KAT6A: variants seen among roughly 807,000 people sequenced by gnomAD.
KAT6A encodes histone acetyltransferase KAT6A.
A neutral mutation model predicts 198.4 loss-of-function variants in KAT6A; 9 were observed. The ratio of observed to expected loss-of-function variants is 0.05; its 90% CI spans 0.03 to 0.08. The LOEUF (loss-of-function observed/expected upper bound fraction) is 0.08, where lower values mean the gene tolerates loss of function less well. Among genes scored for constraint, KAT6A ranks in the 10% least tolerant of loss-of-function variants. The probability of loss-of-function intolerance (pLI) is 1.00; values close to 1 mark genes in which losing one functional copy is unlikely to be tolerated. For synonymous variants in KAT6A, 890 were observed against 883.0 expected, an observed-to-expected ratio of 1.01 and a Z score of -0.14; for missense variants, 2,077 against 2,509.9, an observed-to-expected ratio of 0.83 and a Z score of 3.69.
At chr8:41,970,236 A>C (rs1286657497) in intron 8 of KAT6A, among the ~76,000 whole-genome samples, 1 of 152,224 alleles carries the variant, frequency 6.6e-6, no homozygotes, top group East Asian at 1.9e-4. Flanking sequence ...CCATCATCAG[A>C]ATTTCAGTGC....
chr8:41,949,356 T>G lies in KAT6A; in HGVS notation c.1606A>C (p.Lys536Gln). The G allele has an allele frequency of 6.5e-7, 1 of 1,528,860 alleles. No individual in the cohort carries two copies. The highest frequency in any genetic ancestry group is 8.7e-7 in the Non-Finnish European group (1 of 1,143,452). 94.7% of individuals were successfully genotyped at this position (1,528,860 alleles called of 1,614,324 possible). ...AGACAAAATTCACAAAGATACAATT[T>G]GGGCAGCCTGTAAACGATAATTAAA... is the stretch of plus-strand genomic sequence containing the variant. The part of the protein sequence containing the change: ...PYPQEYSRLP[K>Q]LYLCEFCLKY... The change falls in exon 10 of 17, where the codon AAA (lysine) becomes CAA (glutamine). Residue 536 changes from lysine to glutamine, a missense_variant. This residue lies in a region of KAT6A where 46 missense variants were observed against 88.2 expected (regional missense o/e 0.52). Transcript: ENST00000265713.
intron 2 of KAT6A, among the ~76,000 whole-genome samples, chr8:42,000,057 A>T (rs1251766296): frequency 6.6e-6 from 1 of 152,240 alleles, no homozygotes. Flanking sequence ...ACTTCCTGAA[A>T]TAGGCAAGTT....
intron 8 of KAT6A, chr8:41,958,016 G>C (rs1823011584): frequency 6.6e-6 from 1 of 152,202 alleles, no homozygotes; most frequent in Admixed American, 6.5e-5. Context: ...TTCCCCAAGG[G>C]GGTGCAATGT....
rs183279725 is a variant in KAT6A, at chr8:42,014,102, T to C, written c.601-26539A>G. ...GTTTGAAATATTATTTTAATATTTTTCAACCATTTAGAATTGTTAAAAAAA... is the reference window on the plus strand; with the variant it reads ...GTTTGAAATATTATTTTAATATTTTCCAACCATTTAGAATTGTTAAAAAAA... On this transcript the variant is annotated intron_variant, in intron 2 of 16. Transcript: ENST00000265713. Among the ~76,000 whole-genome samples the C allele has an allele frequency of 1.0e-3, 152 of 152,272 alleles. 1 individual carries two copies. The highest frequency in any genetic ancestry group is 9.3e-3 in the Admixed American group (142 of 15,294).
chr8:41,983,654 G>A (rs1035811975), intron 3 of KAT6A, among the ~76,000 whole-genome samples: 1 of 152,116 alleles, frequency 6.6e-6, no homozygotes, highest in Non-Finnish European at 1.5e-5. Context: ...CCTGAAAGTG[G>A]GATTGGTGAG....
intron 2 of KAT6A, among the ~76,000 whole-genome samples, chr8:41,996,734 G>A (rs1825229550): frequency 6.6e-6 from 1 of 152,186 alleles, no homozygotes. Flanking sequence ...ACAGAGAGAT[G>A]AGGCCCCTTG....
intron 16 of KAT6A, among the ~76,000 whole-genome samples, 153 bp from the exon 17 acceptor site, chr8:41,935,020 AG>A (rs1409571708): frequency 6.6e-6 from 1 of 152,254 alleles, no homozygotes; most frequent in African/African-American, 2.4e-5. Flanking sequence ...AAGAACCTAG[AG>A]GATAAAACTA....
intron 2 of KAT6A, among the ~76,000 whole-genome samples, chr8:41,998,809 C>T (rs761085031): frequency 3.3e-5 from 5 of 151,742 alleles, no homozygotes; most frequent in African/African-American, 7.3e-5. Context: ...TAAGGATAAG[C>T]TGTTCTCAAA....
At chr8:42,020,223 G>A (rs1044490769) in intron 2 of KAT6A, among the ~76,000 whole-genome samples, 12 of 152,094 alleles carry the variant, frequency 7.9e-5, no homozygotes, top group Admixed American at 2.6e-4. Flanking sequence ...TACCTGGTTC[G>A]CAGACTTGAG....
At chr8:42,027,120 C>A (rs1489689243) in intron 2 of KAT6A, among the ~76,000 whole-genome samples, 3 of 152,152 alleles carry the variant, frequency 2.0e-5, no homozygotes, top group Non-Finnish European at 4.4e-5. Flanking sequence ...CTAGGATAAA[C>A]CCCAATTAAT....
chr8:41,999,272 G>T (rs1439196806), intron 2 of KAT6A, among the ~76,000 whole-genome samples: 2 of 152,086 alleles, frequency 1.3e-5, no homozygotes, highest in Non-Finnish European at 2.9e-5. Flanking sequence ...CCTTTCACAG[G>T]TTTAGTGGTT....
intron 2 of KAT6A, among the ~76,000 whole-genome samples, chr8:42,034,215 G>A (rs567367401): frequency 3.3e-5 from 5 of 152,284 alleles, no homozygotes; most frequent in Admixed American, 1.3e-4. Context: ...AATGGCTCTC[G>A]AACTCAAGCG....
In KAT6A at chr8:41,933,594, A is replaced by C. The variant is rs750243046; in HGVS notation, c.4626T>G (p.Ser1542=). The C allele has an allele frequency of 3.5e-5, 57 of 1,613,934 alleles. No homozygotes were observed. Among genetic ancestry groups the C allele is most frequent in the Non-Finnish European group, 4.8e-5 (57 of 1,180,012 alleles). ...TGAAGCCGCTGTCCACCACCTGCTG[A>C]GAGTGGTCTGATACGGAAGGCACAT... ...MMDVPSVSDH[S]QQVVDSGFSD... is the part of the protein sequence containing the mutation. Residue 1542 remains serine, a synonymous_variant, in exon 17 of 17, where the codon TCT becomes TCG. Coordinates refer to ENST00000265713, the MANE Select transcript of KAT6A (RefSeq NM_006766.5). This position sits in a 1 kb window ranked among gnomAD's most constrained non-coding sequence, Gnocchi z 6.2.
chr8:42,009,166 G>A (rs76667400), intron 2 of KAT6A, among the ~76,000 whole-genome samples: 1 of 152,060 alleles, frequency 6.6e-6, no homozygotes, highest in Non-Finnish European at 1.5e-5. Context: ...CTACATCAGA[G>A]AGAAAATCAG....
At position 41,937,242 on chromosome 8, in the gene KAT6A, T is replaced by C. The variant is rs1294492146; in HGVS notation, c.3352+14A>G. 5 of 1,601,788 alleles carry C rather than the reference T, an allele frequency of 3.1e-6. No homozygotes were observed. Among genetic ancestry groups the C allele is most frequent in the Non-Finnish European group, 4.3e-6 (5 of 1,171,374 alleles). ...AGACAATAAACCACAGTAAGTGAGT[T>C]CTGTAAAACATACCATCAGCATCAT... On this transcript the variant is annotated intron_variant, in intron 16 of 16. Transcript: ENST00000265713.
chr8:41,942,998 A>C lies in KAT6A; in HGVS notation c.2231T>G (p.Phe744Cys). ...LRMLDFRSDQ[F>C]VIIRREKLIQ... Reference sequence around the variant, plus strand: ...AAGTTTTTCCCGGCGGATAATCACAAATCTGGAACCAGAGAAAAGTTTATA... The same window carrying C: ...AAGTTTTTCCCGGCGGATAATCACACATCTGGAACCAGAGAAAAGTTTATA... The change falls in exon 14 of 17, where the codon TTT becomes TGT. Residue 744 changes from phenylalanine (F) to cysteine (C), a missense_variant and splice_region_variant. This residue lies in a region of KAT6A where 127 missense variants were observed against 209.6 expected (regional missense o/e 0.61). Transcript: ENST00000265713. The C allele has an allele frequency of 6.2e-7, 1 of 1,614,044 alleles. No individual in the cohort carries two copies. The highest frequency in any genetic ancestry group is 8.5e-7 in the Non-Finnish European group (1 of 1,180,010).
At chr8:42,027,239 C>CT (rs879067234) in intron 2 of KAT6A, among the ~76,000 whole-genome samples, 1 of 151,964 alleles carries the variant, frequency 6.6e-6, no homozygotes, top group African/African-American at 2.4e-5. Context: ...CTGTAGTTTT[C>CT]TTTTGTTGTT....
chr8:42,047,331 A>G (rs1228957417), intron 2 of KAT6A, among the ~76,000 whole-genome samples: 1 of 152,250 alleles, frequency 6.6e-6, no homozygotes, highest in African/African-American at 2.4e-5. Context: ...AAGAAGTCAT[A>G]ATTTCAACTA....
In KAT6A at chr8:41,935,295, T is replaced by C. The variant is rs919271041; in HGVS notation, c.3353-428A>G. 2.0e-5 allele frequency among the ~76,000 whole-genome samples: 3 copies of C among 152,226 alleles called. 1 individual carries two copies. The highest frequency in any genetic ancestry group is 1.9e-4 in the East Asian group (1 of 5,200). ...AATTAGCTTATTTCCTCTTTTTTTT[T>C]CTGCTTGTGATTTACTTTATCTCTC... On this transcript the variant is annotated intron_variant, in intron 16 of 16. Transcript: ENST00000265713.
Sources: allele counts gnomAD v4.1 joint callset (sites outside exome capture counted in the v4.1 genomes callset), GRCh38; gene constraint gnomAD v4.1.1; regional missense constraint gnomAD v4.1.1; non-coding constraint Gnocchi (gnomAD v3.1); transcripts MANE v1.5; gene names NCBI Gene and HGNC (gene_info 2026-07-23, HGNC 2026-07-21).